Variants in UBA6 observed in about 807,000 individuals in gnomAD.
UBA6 encodes ubiquitin-like modifier-activating enzyme 6.
A neutral mutation model predicts 148.3 loss-of-function variants in UBA6; 87 were observed. The ratio of observed to expected loss-of-function variants is 0.59; its 90% CI spans 0.49 to 0.70. The LOEUF (loss-of-function observed/expected upper bound fraction) is 0.70, where lower values mean the gene tolerates loss of function less well. UBA6 is among the 30% of genes least tolerant of loss of function. UBA6 has a pLI of 0.00. For synonymous variants in UBA6, 376 were observed against 401.0 expected (o/e 0.94, Z 0.75); for missense variants, 1,186 against 1,241.2 (o/e 0.96, Z 0.67).
chr4:67,634,216 T>C (rs375008827), intron 22 of UBA6, 26 bp downstream of exon 22: 2 of 1,482,380 alleles, frequency 1.3e-6, no homozygotes, highest in African/African-American at 1.4e-5. Context: ...AGTGTTAAGT[T>C]TGTATTAAAA....
At chr4:67,665,431 G>GTTTGT in intron 9 of UBA6, 139 bp from the exon 10 acceptor site, 4 of 344,544 alleles carry the variant, frequency 1.2e-5, no homozygotes, top group African/African-American at 2.7e-5. Flanking sequence ...TTGTTTGTTT[G>GTTTGT]TTTTTTTTTT....
chr4:67,684,073 G>C (rs1217034860), intron 2 of UBA6, among the ~76,000 whole-genome samples: 1 of 152,080 alleles, frequency 6.6e-6, no homozygotes, highest in African/African-American at 2.4e-5. Context: ...ATGAAATCCT[G>C]TTTCAAACAA....
intron 19 of UBA6, 134 bp from the exon 20 acceptor site, chr4:67,635,692 ATAC>A: frequency 1.9e-6 from 1 of 536,556 alleles, no homozygotes; most frequent in South Asian, 2.1e-5. Flanking sequence ...GAAAACAGAT[ATAC>A]TACTATCAAA....
intron 8 of UBA6, among the ~76,000 whole-genome samples, chr4:67,669,290 G>A (rs1191505049): frequency 5.3e-5 from 8 of 152,242 alleles, no homozygotes; most frequent in African/African-American, 1.9e-4. Context: ...GTCTTAATAT[G>A]CCTGAAAGAA....
intron 9 of UBA6, among the ~76,000 whole-genome samples, chr4:67,667,314 A>C (rs55831961): frequency 6.6e-6 from 1 of 152,214 alleles, no homozygotes; most frequent in Non-Finnish European, 1.5e-5. Flanking sequence ...CTAAAATTAC[A>C]AATAGTAATC....
intron 13 of UBA6, among the ~76,000 whole-genome samples, chr4:67,658,839 G>T (rs1249260902): frequency 6.6e-6 from 1 of 152,148 alleles, no homozygotes; most frequent in Non-Finnish European, 1.5e-5. Context: ...GGATGCTAAG[G>T]TTTGGTTATG....
chr4:67,681,595 G>C lies in UBA6; in HGVS notation c.230-4C>G, dbSNP rs774263202. 1.3e-6 allele frequency: 2 copies of C among 1,579,060 alleles called. No homozygotes were observed. Among genetic ancestry groups the C allele is most frequent in the African/African-American group, 1.4e-5 (1 of 72,378 alleles). ...CCTGCAAGAACAAGATTCTTTGCTA[G>C]AAAGGCAAAAGAAAAAGGAATAGCT... On this transcript the variant is annotated splice_polypyrimidine_tract_variant and splice_region_variant and intron_variant, in intron 3 of 32. Coordinates refer to ENST00000322244, the MANE Select transcript of UBA6 (RefSeq NM_018227.6).
At chr4:67,677,835 G>T in intron 5 of UBA6, 113 bp from the exon 6 acceptor site, 1 of 535,406 alleles carries the variant, frequency 1.9e-6, no homozygotes, top group Non-Finnish European at 3.2e-6. Context: ...AATTTCAATG[G>T]AAACTTACCT....
intron 22 of UBA6, 63 bp from the exon 23 acceptor site, chr4:67,633,536 A>G: frequency 7.0e-7 from 1 of 1,423,016 alleles, no homozygotes; most frequent in Non-Finnish European, 9.3e-7. Context: ...CACATCCCTC[A>G]CCAAAAGTTA....
rs144365736 is a variant in UBA6 at position 67,700,626 on chromosome 4, C to A, written c.71+423G>T. Among the ~76,000 whole-genome samples the A allele has an allele frequency of 3.2e-3, 480 of 151,578 alleles. 4 individuals are homozygous for A. The highest frequency in any genetic ancestry group is 0.011 in the African/African-American group (460 of 41,272). ...CCAAGTTCCTTCTGGTAATAGTTTT[C>A]AAAAGAGGATCTCAGTGGAGGTGCA... On this transcript the variant is annotated intron_variant, in intron 1 of 32. Coordinates refer to ENST00000322244, the MANE Select transcript of UBA6 (RefSeq NM_018227.6).
intron 2 of UBA6, among the ~76,000 whole-genome samples, chr4:67,686,451 C>A (rs1730561511): frequency 6.6e-6 from 1 of 152,164 alleles, no homozygotes; most frequent in Admixed American, 6.5e-5. Flanking sequence ...TCAAGCCAGT[C>A]ACTCGCTTGG....
intron 13 of UBA6, 101 bp downstream of exon 13, chr4:67,662,088 G>A: frequency 8.6e-7 from 1 of 1,160,464 alleles, no homozygotes; most frequent in Non-Finnish European, 1.3e-6. Context: ...TAATGCCACA[G>A]AGTAGCAAAG....
At chr4:67,654,473 A>G (rs1729632892) in intron 13 of UBA6, among the ~76,000 whole-genome samples, 1 of 152,222 alleles carries the variant, frequency 6.6e-6, no homozygotes, top group South Asian at 2.1e-4. Flanking sequence ...AATCCTTTAC[A>G]GACAAGCAAA....
rs117181963 is a variant in UBA6, at chr4:67,681,054, A to C, written c.258+509T>G. Among the ~76,000 whole-genome samples, 95 of 152,260 alleles carry C rather than the reference A, an allele frequency of 6.2e-4. No homozygotes were observed. In the East Asian group the frequency reaches 0.017, roughly 27 times the overall value. ...TGTAAGAGACTCCCAGAGAAACCCC[A>C]ACCAGAGTCATGCCCGAATCCTGAC... On this transcript the variant is annotated intron_variant, in intron 4 of 32. Coordinates refer to ENST00000322244, the MANE Select transcript of UBA6 (RefSeq NM_018227.6).
At chr4:67,661,450 C>G (rs1483560582) in intron 13 of UBA6, among the ~76,000 whole-genome samples, 1 of 152,196 alleles carries the variant, frequency 6.6e-6, no homozygotes, top group Non-Finnish European at 1.5e-5. Context: ...GTCCTGCCAC[C>G]CTGTGAAGAG....
At chr4:67,624,330 C>T (rs1728818444) in intron 29 of UBA6, 77 bp from the exon 30 acceptor site, 1 of 1,384,352 alleles carries the variant, frequency 7.2e-7, no homozygotes, top group African/African-American at 1.5e-5. Flanking sequence ...ATTCAACTTT[C>T]ACGTTTTCAA....
At chr4:67,646,850 A>T in intron 14 of UBA6, 59 bp from the exon 15 acceptor site, 3 of 1,095,136 alleles carry the variant, frequency 2.7e-6, no homozygotes, top group Non-Finnish European at 3.8e-6. Flanking sequence ...CTATAAAAAG[A>T]AGCTCCTTTA....
chr4:67,645,027 A>T (rs912158521), intron 16 of UBA6, among the ~76,000 whole-genome samples: 3 of 151,888 alleles, frequency 2.0e-5, no homozygotes, highest in Admixed American at 6.6e-5. Context: ...TACAACATTT[A>T]AAAAAAAGAT....
At chr4:67,653,585 G>C (rs1435927860) in intron 13 of UBA6, among the ~76,000 whole-genome samples, 1 of 152,182 alleles carries the variant, frequency 6.6e-6, no homozygotes, top group Admixed American at 6.5e-5. Context: ...GGAGAAACCA[G>C]AGCAGAAAAG....
Sources: gnomAD v4.1 joint callset for allele counts (sites outside exome capture counted in the v4.1 genomes callset) on GRCh38, gnomAD v4.1.1 for gene constraint, MANE v1.5 for transcripts, NCBI Gene and HGNC (gene_info 2026-07-23, HGNC 2026-07-21) for gene names.